Variants in ADCYAP1R1 observed in about 807,000 individuals in gnomAD.
The protein encoded by ADCYAP1R1 is pituitary adenylate cyclase-activating polypeptide type I receptor.
In ADCYAP1R1, 44 loss-of-function variants were observed where a neutral mutation model predicts 67.6. The observed-to-expected ratio is 0.65, with a 90% CI of 0.51 to 0.84. The LOEUF is 0.84. Among genes scored for constraint, ADCYAP1R1 ranks in the 40% least tolerant of loss-of-function variants. The probability of loss-of-function intolerance (pLI) is 0.00; values close to 1 mark genes in which losing one functional copy is unlikely to be tolerated. For synonymous variants in ADCYAP1R1, 222 were observed against 219.6 expected, an observed-to-expected ratio of 1.01 and a Z score of -0.10; for missense variants, 477 against 587.9, an observed-to-expected ratio of 0.81 and a Z score of 1.95.
intron 1 of ADCYAP1R1, among the ~76,000 whole-genome samples, chr7:31,058,995 G>A (rs1562625084): frequency 6.6e-6 from 1 of 152,226 alleles, no homozygotes; most frequent in South Asian, 2.1e-4. Context: ...CATGTTTATT[G>A]CTTGGAAGAG....
At chr7:31,088,287 C>T (rs1584522033) in intron 12 of ADCYAP1R1, among the ~76,000 whole-genome samples, 1 of 152,156 alleles carries the variant, frequency 6.6e-6, no homozygotes, top group African/African-American at 2.4e-5. Context: ...TTATTAGTTA[C>T]AGTTTAAAGG....
intron 13 of ADCYAP1R1, among the ~76,000 whole-genome samples, chr7:31,099,108 C>T (rs1398043659): frequency 6.6e-6 from 1 of 152,212 alleles, no homozygotes. Context: ...CACAGAGAGT[C>T]AGCCTGAGAC....
Position 31,098,714 on chromosome 7 carries a change from G to C in ADCYAP1R1, c.1047-4523G>C, listed in dbSNP as rs1286385021. 7.6e-5 allele frequency among the ~76,000 whole-genome samples: 9 copies of C among 117,750 alleles called. 1 individual carries two copies. Among genetic ancestry groups the C allele is most frequent in the South Asian group, 3.9e-4 (1 of 2,572 alleles). The allele number at this position is 117,750 out of a possible 152,430, so 77.2% of individuals were successfully genotyped here. On this transcript the variant is annotated intron_variant, in intron 13 of 15. Coordinates refer to ENST00000304166, the MANE Select transcript of ADCYAP1R1 (RefSeq NM_001118.5). ...CAGATGCAGCGGGGCGGGGGGGGGG[G>C]GGGGACCTGGGCTTGCCCCATCTTG...
intron 8 of ADCYAP1R1, among the ~76,000 whole-genome samples, 164 bp downstream of exon 8, chr7:31,084,998 G>A (rs1795677273): frequency 6.6e-6 from 1 of 152,210 alleles, no homozygotes; most frequent in South Asian, 2.1e-4. Flanking sequence ...TCCAGAGAGG[G>A]CAACTGACTT....
At chr7:31,079,094 C>G (rs1562640848) in intron 4 of ADCYAP1R1, among the ~76,000 whole-genome samples, 1 of 152,204 alleles carries the variant, frequency 6.6e-6, no homozygotes, top group Non-Finnish European at 1.5e-5. Flanking sequence ...GCTCTACCCA[C>G]AGGCAGAAGC....
At chr7:31,064,583 G>A (rs935603491) in intron 2 of ADCYAP1R1, among the ~76,000 whole-genome samples, 11 of 152,290 alleles carry the variant, frequency 7.2e-5, no homozygotes, top group Middle Eastern at 6.8e-3. Flanking sequence ...ATAAGATGTG[G>A]AAACTGAGAC....
intron 9 of ADCYAP1R1, among the ~76,000 whole-genome samples, chr7:31,085,768 G>T (rs1046193493): frequency 6.6e-6 from 1 of 152,220 alleles, no homozygotes; most frequent in Non-Finnish European, 1.5e-5. Flanking sequence ...CTGAGAGAGG[G>T]CTTACCTAGC....
chr7:31,081,650 G>C, intron 5 of ADCYAP1R1, 63 bp from the exon 6 acceptor site: 2 of 1,381,516 alleles, frequency 1.4e-6, no homozygotes, highest in Non-Finnish European at 2.0e-6. Flanking sequence ...CCAGGGTGGA[G>C]AGTAAACAGT....
intron 3 of ADCYAP1R1, among the ~76,000 whole-genome samples, chr7:31,077,475 T>C (rs1030245324): frequency 2.1e-5 from 2 of 94,786 alleles, no homozygotes; most frequent in Non-Finnish European, 3.9e-5. Context: ...GTGTGTGGTG[T>C]GTGTAGTGTG....
chr7:31,106,279 G>A (rs1250647048), intron 15 of ADCYAP1R1, among the ~76,000 whole-genome samples: 2 of 152,216 alleles, frequency 1.3e-5, no homozygotes, highest in African/African-American at 4.8e-5. Context: ...AAAGTGGCAA[G>A]GGAAGGGGCT....
intron 13 of ADCYAP1R1, among the ~76,000 whole-genome samples, chr7:31,096,988 C>G (rs1250880451): frequency 6.6e-6 from 1 of 152,262 alleles, no homozygotes; most frequent in Admixed American, 6.5e-5. Flanking sequence ...CCAACCAACC[C>G]TGCACACCAC....
At chr7:31,085,002 C>T (rs994490294) in intron 8 of ADCYAP1R1, among the ~76,000 whole-genome samples, 168 bp downstream of exon 8, 1 of 152,230 alleles carries the variant, frequency 6.6e-6, no homozygotes, top group Non-Finnish European at 1.5e-5. Flanking sequence ...GAGAGGGCAA[C>T]TGACTTGTCC....
chr7:31,070,966 C>A (rs1022970276), intron 3 of ADCYAP1R1, among the ~76,000 whole-genome samples: 21 of 152,302 alleles, frequency 1.4e-4, no homozygotes, highest in African/African-American at 5.1e-4. Context: ...CAGTGGGATC[C>A]TCATTTCATG....
At chr7:31,082,471 C>T (rs903732078) in intron 6 of ADCYAP1R1, among the ~76,000 whole-genome samples, 2 of 152,212 alleles carry the variant, frequency 1.3e-5, no homozygotes, top group Admixed American at 6.5e-5. Flanking sequence ...AGAAAGGAAA[C>T]CGCTTTTCCT....
intron 2 of ADCYAP1R1, 67 bp from the exon 3 acceptor site, chr7:31,064,764 T>C: frequency 1.5e-6 from 2 of 1,330,852 alleles, no homozygotes; most frequent in Non-Finnish European, 2.1e-6. Flanking sequence ...CCCCTGGGGC[T>C]TTGGTAGGAG....
In ADCYAP1R1 at chr7:31,084,231, A is replaced by G. The variant is rs1156713619; in HGVS notation, c.419A>G (p.Glu140Gly). 1.2e-5 allele frequency: 19 copies of G among 1,613,842 alleles called. No individual in the cohort carries two copies. Among genetic ancestry groups the G allele is most frequent in the Non-Finnish European group, 1.5e-5 (18 of 1,179,994 alleles). The change falls in exon 7 of 16, where the codon GAA (glutamate) becomes GGA (glycine). Residue 140 changes from glutamate (E) to glycine (G), a missense_variant. Coordinates refer to ENST00000304166, the MANE Select transcript of ADCYAP1R1 (RefSeq NM_001118.5). ...YFDACGFDEY[E>G]SETGDQDYYY... is the part of the protein sequence containing the mutation. ...GATGCCTGTGGGTTTGATGAATATG[A>G]ATCTGAGACTGGGGACCAGGTGAGT...
intron 12 of ADCYAP1R1, among the ~76,000 whole-genome samples, chr7:31,091,930 T>C (rs548031914): frequency 2.6e-5 from 4 of 151,988 alleles, no homozygotes; most frequent in Non-Finnish European, 5.9e-5. Context: ...TGTGGTAATC[T>C]TTCCCTAGCT....
At chr7:31,105,470 G>A (rs1282806961) in intron 15 of ADCYAP1R1, among the ~76,000 whole-genome samples, 2 of 152,260 alleles carry the variant, frequency 1.3e-5, no homozygotes, top group Non-Finnish European at 2.9e-5. Context: ...TGCCAGAGCT[G>A]TGGTTCGGGG....
intron 13 of ADCYAP1R1, among the ~76,000 whole-genome samples, chr7:31,098,487 G>A (rs769083110): frequency 3.9e-5 from 6 of 152,086 alleles, no homozygotes; most frequent in Non-Finnish European, 8.8e-5. Context: ...GGTCCGAGGT[G>A]GCACCTGGGA....
Sources: allele counts gnomAD v4.1 joint callset (sites outside exome capture counted in the v4.1 genomes callset), GRCh38; gene constraint gnomAD v4.1.1; transcripts MANE v1.5; gene names NCBI Gene and HGNC (gene_info 2026-07-23, HGNC 2026-07-21).